The following MAPKAP1 variants were observed in gnomAD, a reference collection of about 807,000 sequenced individuals.
MAPKAP1 encodes target of rapamycin complex 2 subunit MAPKAP1.
In MAPKAP1, 20 loss-of-function variants were observed where a neutral mutation model predicts 65.7. The ratio of observed to expected loss-of-function variants is 0.30; its 90% CI spans 0.21 to 0.44. The LOEUF (loss-of-function observed/expected upper bound fraction) is 0.44. Ranked by LOEUF, MAPKAP1 falls within the 20% of genes least tolerant of loss-of-function variation. The pLI is 1.00. For synonymous variants in MAPKAP1, 222 were observed against 244.3 expected (o/e 0.91, Z 0.85); for missense variants, 423 against 648.0 (o/e 0.65, Z 3.77).
At position 125,506,553 on chromosome 9, in the gene MAPKAP1, C is replaced by A. The variant is rs1829147823; in HGVS notation, c.959-136G>T. 1.1e-5 allele frequency: 8 copies of A among 698,726 alleles called. No individual in the cohort carries two copies. In the South Asian group the frequency reaches 1.3e-4, roughly 11 times the overall value. The allele number at this position is 698,726 out of a possible 1,614,324, so 43.3% of individuals were successfully genotyped here. The stretch of plus-strand genomic sequence containing the variant: ...AAGTCTGTCTTGAGGGTCTAGCTAT[C>A]CAGGATGGAAGTTTGGGGTTTCTTT... On this transcript the variant is annotated intron_variant, in intron 7 of 11. Transcript: ENST00000265960.
intron 4 of MAPKAP1, among the ~76,000 whole-genome samples, chr9:125,621,327 T>C (rs1832893004): frequency 6.6e-6 from 1 of 152,024 alleles, no homozygotes; most frequent in South Asian, 2.1e-4. Context: ...TATTGAGTGC[T>C]TACTTCATGG....
chr9:125,565,738 C>T, intron 5 of MAPKAP1: 1 of 289,914 alleles, frequency 3.4e-6, no homozygotes, highest in South Asian at 2.6e-5. Flanking sequence ...AGTTTCTCTC[C>T]TGCAAAAAAA....
intron 7 of MAPKAP1, among the ~76,000 whole-genome samples, chr9:125,531,666 TTTA>T (rs1365305211): frequency 2.0e-5 from 3 of 152,192 alleles, no homozygotes; most frequent in African/African-American, 7.2e-5. Context: ...GTTTTCCCAT[TTTA>T]TTATGAGTAT....
chr9:125,500,784 A>C (rs2133071418), intron 8 of MAPKAP1, among the ~76,000 whole-genome samples: 1 of 152,364 alleles, frequency 6.6e-6, no homozygotes, highest in East Asian at 1.9e-4. Flanking sequence ...AGATTCTAAT[A>C]AACACCACTT....
At chr9:125,493,384 C>T (rs554747227) in intron 8 of MAPKAP1, among the ~76,000 whole-genome samples, 1 of 152,316 alleles carries the variant, frequency 6.6e-6, no homozygotes, top group African/African-American at 2.4e-5. Context: ...GCATTATAGC[C>T]CTTTATTGAA....
chr9:125,707,003 GC>G lies in MAPKAP1; in HGVS notation c.-103del. ...TGCTTCCACACTACGGGCCGGGTCG[GC>G]CCCGGGACACGTTCCTGAGGGGAGG... On this transcript the variant is annotated 5_prime_UTR_variant, in exon 1 of 12. Transcript: ENST00000265960. 2.5e-6 allele frequency: 1 copy of G among 396,730 alleles called. No homozygotes were observed. The allele number at this position is 396,730 out of a possible 1,614,324, so 24.6% of individuals were successfully genotyped here. A position where few individuals can be genotyped will look rare whatever the true frequency, so the allele number is the denominator to read the frequency against.
At chr9:125,506,781 A>C (rs1194423228) in intron 7 of MAPKAP1, among the ~76,000 whole-genome samples, 1 of 152,228 alleles carries the variant, frequency 6.6e-6, no homozygotes, top group Non-Finnish European at 1.5e-5. Context: ...GATTGTTGTA[A>C]GGATCAGAGG....
chr9:125,498,795 G>A (rs1366385731), intron 8 of MAPKAP1, among the ~76,000 whole-genome samples: 1 of 152,018 alleles, frequency 6.6e-6, no homozygotes, highest in Non-Finnish European at 1.5e-5. Flanking sequence ...CTGGTCCTAG[G>A]ACACAGACTT....
intron 10 of MAPKAP1, 65 bp downstream of exon 10, chr9:125,467,907 C>T: frequency 6.5e-7 from 1 of 1,548,176 alleles, no homozygotes; most frequent in East Asian, 2.3e-5. Context: ...CTCCTGGCAC[C>T]CAGCACACAG....
chr9:125,665,891 T>C (rs1834326503), intron 3 of MAPKAP1, among the ~76,000 whole-genome samples: 1 of 152,238 alleles, frequency 6.6e-6, no homozygotes, highest in Non-Finnish European at 1.5e-5. Flanking sequence ...TGCATTATTA[T>C]TTAACTTCAT....
intron 5 of MAPKAP1, among the ~76,000 whole-genome samples, chr9:125,570,026 T>C (rs956144208): frequency 1.3e-5 from 2 of 152,262 alleles, no homozygotes; most frequent in Non-Finnish European, 2.9e-5. Flanking sequence ...TTTAAGGTCA[T>C]GAACTGCTTC....
chr9:125,549,823 G>C (rs768674661), intron 6 of MAPKAP1, among the ~76,000 whole-genome samples: 29 of 152,044 alleles, frequency 1.9e-4, no homozygotes, highest in Non-Finnish European at 3.5e-4. Flanking sequence ...GCTTCATTTC[G>C]ACCCTCCCCT....
At chr9:125,623,353 G>A (rs1225781090) in intron 4 of MAPKAP1, among the ~76,000 whole-genome samples, 1 of 51,860 alleles carries the variant, frequency 1.9e-5, no homozygotes, top group Non-Finnish European at 4.1e-5. Flanking sequence ...GAAGTGAGGA[G>A]CGCCTCTTCC....
chr9:125,561,207 A>G (rs1830883016), intron 5 of MAPKAP1, among the ~76,000 whole-genome samples: 1 of 152,218 alleles, frequency 6.6e-6, no homozygotes, highest in South Asian at 2.1e-4. Flanking sequence ...TATTGACTGG[A>G]TGTGACAATG....
intron 8 of MAPKAP1, among the ~76,000 whole-genome samples, chr9:125,500,725 T>C (rs1234004463): frequency 6.6e-6 from 1 of 152,220 alleles, no homozygotes; most frequent in African/African-American, 2.4e-5. Context: ...TTTAGTTACC[T>C]GAAATTTTTT....
At chr9:125,652,032 A>G in intron 4 of MAPKAP1, 1 of 1,019,628 alleles carries the variant, frequency 9.8e-7, no homozygotes. Flanking sequence ...CCATTCCCAC[A>G]AGAATAGCAT....
intron 4 of MAPKAP1, among the ~76,000 whole-genome samples, chr9:125,624,649 C>T (rs1833039872): frequency 1.4e-5 from 1 of 70,842 alleles, no homozygotes. Context: ...CCAGCCGCCC[C>T]GTCCGGGAGG....
intron 6 of MAPKAP1, among the ~76,000 whole-genome samples, chr9:125,543,727 G>A (rs901636908): frequency 1.3e-5 from 2 of 152,182 alleles, no homozygotes; most frequent in African/African-American, 2.4e-5. Context: ...CACGCTTAGG[G>A]AAGGTTCTTC....
intron 5 of MAPKAP1, among the ~76,000 whole-genome samples, chr9:125,581,032 A>G (rs1007212112): frequency 6.6e-6 from 1 of 152,260 alleles, no homozygotes. Flanking sequence ...GCATGTATGA[A>G]AACGGTTTGT....
Sources: gnomAD v4.1 joint callset for allele counts (sites outside exome capture counted in the v4.1 genomes callset) on GRCh38, gnomAD v4.1.1 for gene constraint, MANE v1.5 for transcripts, NCBI Gene and HGNC (gene_info 2026-07-23, HGNC 2026-07-21) for gene names.